LEPR: variants seen among roughly 807,000 people sequenced by gnomAD.
LEPR encodes the protein OB receptor.
Under a neutral mutation model 114.7 loss-of-function variants are expected in LEPR, and 56 were observed. The ratio of observed to expected loss-of-function variants is 0.49; its 90% CI spans 0.39 to 0.61. The LOEUF (loss-of-function observed/expected upper bound fraction) is 0.61, where lower values mean the gene tolerates loss of function less well. Ranked by LOEUF, LEPR falls within the 20% of genes least tolerant of loss-of-function variation. LEPR has a pLI of 0.00. For synonymous variants in LEPR, 443 were observed against 461.4 expected, an observed-to-expected ratio of 0.96 and a Z score of 0.51; for missense variants, 1,202 against 1,352.9, an observed-to-expected ratio of 0.89 and a Z score of 1.75.
At chr1:65,528,148 C>G (rs192329422) in intron 2 of LEPR, among the ~76,000 whole-genome samples, 1 of 122,760 alleles carries the variant, frequency 8.1e-6, no homozygotes, top group Non-Finnish European at 1.7e-5. Flanking sequence ...GAAATAAATA[C>G]TAAAAGTATC....
chr1:65,432,261 T>C, intron 2 of LEPR: 1 of 1,004,338 alleles, frequency 1.0e-6, no homozygotes, highest in Non-Finnish European at 1.2e-6. Flanking sequence ...GAGAGGCAGA[T>C]AACGCTGAAG....
At chr1:65,519,703 C>A (rs897514330) in intron 2 of LEPR, among the ~76,000 whole-genome samples, 6 of 151,964 alleles carry the variant, frequency 3.9e-5, no homozygotes, top group African/African-American at 1.4e-4. Flanking sequence ...AGGTCTTGAT[C>A]TGTCGCCCAG....
rs1174250107 is a variant in LEPR at position 65,623,116 on chromosome 1, TA to T, written c.2673+136del. ...CAATTCATCTTAATATATCTGTTATTATATACTTTCAAGAATAGCAGGATGC... is the reference window on the plus strand; with the variant it reads ...CAATTCATCTTAATATATCTGTTATTTATACTTTCAAGAATAGCAGGATGC... On this transcript the variant is annotated intron_variant, in intron 19 of 19. Transcript: ENST00000349533. 5 of 873,310 alleles carry T rather than the reference TA, an allele frequency of 5.7e-6. No homozygotes were observed. In the African/African-American group the frequency reaches 8.5e-5, roughly 15 times the overall value. The allele number at this position is 873,310 out of a possible 1,614,324, so 54.1% of individuals were successfully genotyped here.
At chr1:65,429,636 A>G (rs980639687) in intron 2 of LEPR, among the ~76,000 whole-genome samples, 3 of 152,210 alleles carry the variant, frequency 2.0e-5, no homozygotes, top group African/African-American at 7.2e-5. Context: ...GGTATATATT[A>G]TATAGTGGCT....
At chr1:65,458,477 A>G (rs184312824) in intron 2 of LEPR, among the ~76,000 whole-genome samples, 38 of 152,292 alleles carry the variant, frequency 2.5e-4, no homozygotes, top group East Asian at 1.9e-4. Context: ...TTCTTTCAAC[A>G]CTTTATTTTA....
chr1:65,580,441 A>T (rs1654903726), intron 5 of LEPR, among the ~76,000 whole-genome samples: 2 of 152,244 alleles, frequency 1.3e-5, no homozygotes, highest in African/African-American at 4.8e-5. Flanking sequence ...ATAAAATCTA[A>T]TGTTTGTAAG....
chr1:65,433,164 C>G (rs2100238213), intron 2 of LEPR: 1 of 985,480 alleles, frequency 1.0e-6, no homozygotes, highest in South Asian at 4.7e-5. Flanking sequence ...CTCCTTCCCT[C>G]TGCCCCCCAC....
rs1185093831 is a variant in LEPR at position 65,636,599 on chromosome 1, T to G, written c.3082T>G (p.Ser1028Ala). 2 of 1,614,018 alleles carry G rather than the reference T, an allele frequency of 1.2e-6. No individual in the cohort carries two copies. The highest frequency in any genetic ancestry group is 1.7e-6 in the Non-Finnish European group (2 of 1,179,970). ...SPLKDSFSNS[S>A]WEIEAQAFFI... ...GTTGAAGGATTCTTTCTCTAATAGC[T>G]CATGGGAGATAGAGGCCCAGGCATT... The change falls in exon 20 of 20, where the codon TCA becomes GCA. Residue 1028 changes from serine to alanine, a missense_variant. Physicochemically the swap from Ser to Ala is moderately conservative, Grantham distance 99. Coordinates refer to ENST00000349533, the MANE Select transcript of LEPR (RefSeq NM_002303.6).
rs188657188 is a variant in LEPR, at chr1:65,638,534, C to T, written c.*1519C>T. 6 of 152,086 alleles carry T rather than the reference C, an allele frequency of 3.9e-5. No individual in the cohort carries two copies. The highest frequency in any genetic ancestry group is 1.3e-4 in the Admixed American group (2 of 15,278). 9.4% of individuals were successfully genotyped at this position (152,086 alleles called of 1,614,324 possible). ...AATTATCAGAATTTCATATTTAGAC[C>T]GAGACAAGAGACTCCCAATTTTACT... On this transcript the variant is annotated 3_prime_UTR_variant, in exon 20 of 20. Transcript: ENST00000349533.
intron 2 of LEPR, among the ~76,000 whole-genome samples, chr1:65,460,980 CTTTT>C (rs529223465): frequency 1.4e-5 from 2 of 138,634 alleles, no homozygotes; most frequent in Non-Finnish European, 3.1e-5. Context: ...TCTTTCTTTT[CTTTT>C]TTTTTTTTTT....
intron 6 of LEPR, among the ~76,000 whole-genome samples, chr1:65,594,941 A>G (rs1655955260): frequency 6.6e-6 from 1 of 152,068 alleles, no homozygotes; most frequent in Non-Finnish European, 1.5e-5. Context: ...TGTATTTCTA[A>G]TATTAATGCA....
intron 5 of LEPR, among the ~76,000 whole-genome samples, chr1:65,589,952 G>A (rs1655575289): frequency 6.6e-6 from 1 of 151,916 alleles, no homozygotes; most frequent in African/African-American, 2.4e-5. Context: ...GTCAATTTGT[G>A]TAAAATAGCC....
chr1:65,547,301 T>G (rs1166508176), intron 2 of LEPR, among the ~76,000 whole-genome samples: 4 of 152,230 alleles, frequency 2.6e-5, no homozygotes, highest in African/African-American at 9.6e-5. Flanking sequence ...GGCTTTGGTA[T>G]CAGGATGATG....
chr1:65,572,552 C>G (rs1654275821), intron 5 of LEPR, 103 bp downstream of exon 5: 10 of 1,179,898 alleles, frequency 8.5e-6, no homozygotes, highest in Non-Finnish European at 9.6e-6. Flanking sequence ...CCTACATTTC[C>G]TATTATATGT....
At chr1:65,470,310 G>A (rs1165994331) in intron 2 of LEPR, among the ~76,000 whole-genome samples, 1 of 152,176 alleles carries the variant, frequency 6.6e-6, no homozygotes, top group African/African-American at 2.4e-5. Context: ...GCCCCTCACG[G>A]TGAAAGCACA....
At chr1:65,522,878 G>T (rs1410276689) in intron 2 of LEPR, among the ~76,000 whole-genome samples, 1 of 150,922 alleles carries the variant, frequency 6.6e-6, no homozygotes, top group African/African-American at 2.4e-5. Context: ...TACTGAATGA[G>T]TCAGGGTGCT....
chr1:65,613,804 T>TG (rs1657358495), intron 14 of LEPR, among the ~76,000 whole-genome samples: 1 of 123,600 alleles, frequency 8.1e-6, no homozygotes. Context: ...AACAAAAACC[T>TG]AGCCAAAGTA....
intron 2 of LEPR, among the ~76,000 whole-genome samples, chr1:65,491,203 T>G (rs774633715): frequency 3.3e-5 from 5 of 152,166 alleles, no homozygotes; most frequent in Non-Finnish European, 5.9e-5. Context: ...AGCCTGGCCT[T>G]AAGAATCTGC....
chr1:65,613,926 CA>C (rs59673658), intron 14 of LEPR, among the ~76,000 whole-genome samples: 3,619 of 148,300 alleles, frequency 0.024, 62 homozygotes, highest in Middle Eastern at 0.076. Context: ...GGCTAAAATC[CA>C]AAAAAAAAAC....
Sources: gnomAD v4.1 joint callset for allele counts (sites outside exome capture counted in the v4.1 genomes callset) on GRCh38, gnomAD v4.1.1 for gene constraint, MANE v1.5 for transcripts, NCBI Gene and HGNC (gene_info 2026-07-23, HGNC 2026-07-21) for gene names.